KCNAB1: variants seen among roughly 807,000 people sequenced by gnomAD.
The protein encoded by KCNAB1 is potassium voltage-gated channel subfamily A regulatory beta subunit 1.
KCNAB1 carries 35 observed loss-of-function variants against 64.6 expected under a neutral mutation model. The ratio of observed to expected loss-of-function variants is 0.54; its 90% CI spans 0.41 to 0.72. The LOEUF (loss-of-function observed/expected upper bound fraction) is 0.72, where lower values mean the gene tolerates loss of function less well. Among genes scored for constraint, KCNAB1 ranks in the 30% least tolerant of loss-of-function variants. KCNAB1 has a pLI of 0.00. For synonymous variants in KCNAB1, 177 were observed against 183.8 expected, an observed-to-expected ratio of 0.96 and a Z score of 0.30; for missense variants, 401 against 512.9, an observed-to-expected ratio of 0.78 and a Z score of 2.11.
chr3:156,240,189 G>A (rs2108447547), intron 1 of KCNAB1, among the ~76,000 whole-genome samples: 1 of 152,304 alleles, frequency 6.6e-6, no homozygotes, highest in Non-Finnish European at 1.5e-5. Flanking sequence ...CAGTCCAGCT[G>A]AGGAAAGACA....
chr3:156,225,168 C>CA (rs1490239975), intron 1 of KCNAB1, among the ~76,000 whole-genome samples: 1 of 152,072 alleles, frequency 6.6e-6, no homozygotes, highest in Non-Finnish European at 1.5e-5. Context: ...GCAAAATCCT[C>CA]AAAGAAAATG....
At chr3:156,129,124 G>T (rs1713837592) in intron 1 of KCNAB1, among the ~76,000 whole-genome samples, 1 of 152,008 alleles carries the variant, frequency 6.6e-6, no homozygotes, top group South Asian at 2.1e-4. Context: ...GGAGAGTGTG[G>T]TTCTGCCTAT....
At chr3:156,378,741 G>T (rs1255726534) in intron 1 of KCNAB1, among the ~76,000 whole-genome samples, 1 of 152,106 alleles carries the variant, frequency 6.6e-6, no homozygotes, top group Non-Finnish European at 1.5e-5. Flanking sequence ...CCAACATAGT[G>T]CCTGGGTTGA....
At chr3:156,411,876 C>T (rs958317406) in intron 1 of KCNAB1, among the ~76,000 whole-genome samples, 3 of 152,098 alleles carry the variant, frequency 2.0e-5, no homozygotes, top group African/African-American at 7.2e-5. Context: ...TTTTATCTTA[C>T]CATATACATT....
intron 8 of KCNAB1, among the ~76,000 whole-genome samples, chr3:156,494,965 A>G (rs1296296746): frequency 2.0e-5 from 3 of 152,040 alleles, no homozygotes; most frequent in South Asian, 4.1e-4. Context: ...AGATCATCGC[A>G]TGACCCAGGT....
At chr3:156,234,645 G>A (rs13070956) in intron 1 of KCNAB1, among the ~76,000 whole-genome samples, 15,785 of 152,136 alleles carry the variant, frequency 0.1, 1,118 homozygotes, top group Non-Finnish European at 0.15. Flanking sequence ...GAAAGGACTA[G>A]GGAAGCAGAG....
intron 2 of KCNAB1, among the ~76,000 whole-genome samples, chr3:156,425,153 A>G (rs568638188): frequency 6.6e-6 from 1 of 152,366 alleles, no homozygotes; most frequent in Admixed American, 6.5e-5. Flanking sequence ...ATGTCAGCTC[A>G]GTCACGACCT....
chr3:156,302,865 C>T (rs531463256), intron 1 of KCNAB1, among the ~76,000 whole-genome samples: 1 of 152,284 alleles, frequency 6.6e-6, no homozygotes, highest in South Asian at 2.1e-4. Flanking sequence ...AATATATCTA[C>T]CTCCAAATTT....
rs145735446 is a variant in KCNAB1 at position 156,255,130 on chromosome 3, C to A, written c.275+134244C>A. 5.6e-3 allele frequency among the ~76,000 whole-genome samples: 860 copies of A among 152,226 alleles called. 9 individuals are homozygous for A. Among genetic ancestry groups the A allele is most frequent in the South Asian group, 0.016 (79 of 4,826 alleles). On this transcript the variant is annotated intron_variant, in intron 1 of 13. Coordinates refer to ENST00000490337, the MANE Select transcript of KCNAB1 (RefSeq NM_172160.3). Reference sequence around the variant, plus strand: ...CTTTCAGCAACACGGCCTATCTGTCCCAGTGTGACTATTTATAGGCTACTT... The same window carrying A: ...CTTTCAGCAACACGGCCTATCTGTCACAGTGTGACTATTTATAGGCTACTT...
chr3:156,359,730 A>G (rs1455546918), intron 1 of KCNAB1, among the ~76,000 whole-genome samples: 2 of 152,228 alleles, frequency 1.3e-5, no homozygotes, highest in African/African-American at 2.4e-5. Context: ...ATGTTATGTG[A>G]TATGTACGGC....
chr3:156,118,970 T>C (rs1488394593), upstream of KCNAB1, among the ~76,000 whole-genome samples: 3 of 152,232 alleles, frequency 2.0e-5, no homozygotes, highest in Non-Finnish European at 4.4e-5. Context: ...CCCCACAGCA[T>C]CAGATGGGAC....
At chr3:156,532,181 A>G (rs1315061139) in intron 13 of KCNAB1, among the ~76,000 whole-genome samples, 1 of 152,178 alleles carries the variant, frequency 6.6e-6, no homozygotes, top group Non-Finnish European at 1.5e-5. Context: ...CCCATTCCCT[A>G]TCCCATGAGA....
chr3:156,351,200 A>C (rs531810115), intron 1 of KCNAB1, among the ~76,000 whole-genome samples: 54 of 152,238 alleles, frequency 3.5e-4, no homozygotes, highest in Non-Finnish European at 5.6e-4. Context: ...GGCCACACTG[A>C]GTGTGTCTCA....
intron 1 of KCNAB1, among the ~76,000 whole-genome samples, chr3:156,295,242 G>C (rs186807802): frequency 6.6e-6 from 1 of 152,126 alleles, no homozygotes; most frequent in Non-Finnish European, 1.5e-5. Flanking sequence ...TGGGGCATGA[G>C]TAATTGTGCG....
chr3:156,437,194 C>T (rs1487448688), intron 2 of KCNAB1, among the ~76,000 whole-genome samples: 1 of 152,126 alleles, frequency 6.6e-6, no homozygotes, highest in African/African-American at 2.4e-5. Flanking sequence ...GGATTAGTGG[C>T]TGCTGTGTTG....
At chr3:156,378,339 C>A (rs1281530851) in intron 1 of KCNAB1, among the ~76,000 whole-genome samples, 2 of 151,956 alleles carry the variant, frequency 1.3e-5, no homozygotes, top group African/African-American at 4.8e-5. Context: ...CTTCTCTGAC[C>A]CTTACAGTCC....
chr3:156,365,529 C>T (rs1257022011), intron 1 of KCNAB1, among the ~76,000 whole-genome samples: 1 of 152,124 alleles, frequency 6.6e-6, no homozygotes, highest in Non-Finnish European at 1.5e-5. Flanking sequence ...AGTGTTTGCT[C>T]TTATACACCA....
intron 1 of KCNAB1, among the ~76,000 whole-genome samples, chr3:156,228,920 T>C (rs1350100938): frequency 6.6e-6 from 1 of 152,220 alleles, no homozygotes; most frequent in Non-Finnish European, 1.5e-5. Context: ...ATGGCATACC[T>C]GAACCCCAGC....
intron 2 of KCNAB1, chr3:156,446,850 TTAGCACAATA>T (rs1711604657): frequency 6.6e-6 from 1 of 152,290 alleles, no homozygotes; most frequent in Non-Finnish European, 1.5e-5. Context: ...CAGTCTATCC[TTAGCACAATA>T]GCAGAGTGTT....
Sources: allele counts gnomAD v4.1 joint callset (sites outside exome capture counted in the v4.1 genomes callset), GRCh38; gene constraint gnomAD v4.1.1; transcripts MANE v1.5; gene names NCBI Gene and HGNC (gene_info 2026-07-23, HGNC 2026-07-21).